PREP: variants seen among roughly 807,000 people sequenced by gnomAD.
PREP encodes dJ355L5.1 (prolyl endopeptidase).
In PREP, 29 loss-of-function variants were observed where a neutral mutation model predicts 87.6. The observed-to-expected ratio is 0.33, with a 90% CI of 0.25 to 0.45. The LOEUF (loss-of-function observed/expected upper bound fraction) is 0.45. Ranked by LOEUF, PREP falls within the 20% of genes least tolerant of loss-of-function variation. PREP has a pLI of 1.00. For synonymous variants in PREP, 337 were observed against 328.6 expected, an observed-to-expected ratio of 1.03 and a Z score of -0.28; for missense variants, 695 against 886.5, an observed-to-expected ratio of 0.78 and a Z score of 2.74.
At chr6:105,312,900 G>A (rs960892269) in intron 10 of PREP, among the ~76,000 whole-genome samples, 2 of 152,184 alleles carry the variant, frequency 1.3e-5, no homozygotes. Context: ...GCTGTATGAA[G>A]AAGAGCATCA....
At chr6:105,341,379 T>C (rs1011689975) in intron 7 of PREP, among the ~76,000 whole-genome samples, 8 of 152,182 alleles carry the variant, frequency 5.3e-5, no homozygotes, top group African/African-American at 7.2e-5. Flanking sequence ...CTGGGACACA[T>C]TTAAAGCAGT....
At chr6:105,325,285 G>A (rs138526153) in intron 9 of PREP, among the ~76,000 whole-genome samples, 1 of 152,212 alleles carries the variant, frequency 6.6e-6, no homozygotes, top group Non-Finnish European at 1.5e-5. Flanking sequence ...GCCTCACCCT[G>A]GCATCACCAC....
At chr6:105,338,872 G>A (rs115193940) in intron 7 of PREP, among the ~76,000 whole-genome samples, 3,203 of 152,322 alleles carry the variant, frequency 0.021, 107 homozygotes, top group African/African-American at 0.074. Flanking sequence ...GCTTGAGTAC[G>A]TAAACAAAGC....
intron 2 of PREP, among the ~76,000 whole-genome samples, chr6:105,380,661 A>G (rs1482876032): frequency 6.6e-6 from 1 of 152,114 alleles, no homozygotes; most frequent in Non-Finnish European, 1.5e-5. Flanking sequence ...AGTTTTGGCT[A>G]TTTCCCAGAG....
intron 10 of PREP, among the ~76,000 whole-genome samples, chr6:105,301,904 G>A (rs1452305007): frequency 6.6e-6 from 1 of 152,130 alleles, no homozygotes; most frequent in East Asian, 1.9e-4. Flanking sequence ...AGCCAAAAGC[G>A]AAATAGAAAG....
chr6:105,376,096 T>A (rs1479455111), intron 4 of PREP, 29 bp downstream of exon 4: 1 of 1,599,308 alleles, frequency 6.3e-7, no homozygotes, highest in South Asian at 1.1e-5. Context: ...GTCTTAGGAG[T>A]TCCACGGGCC....
chr6:105,386,941 G>A (rs895213400), intron 2 of PREP, among the ~76,000 whole-genome samples: 4 of 152,182 alleles, frequency 2.6e-5, no homozygotes, highest in Admixed American at 6.5e-5. Context: ...GGCCGGGTGC[G>A]GTGTTTCATG....
chr6:105,281,415 G>C (rs915345312), intron 14 of PREP: 1 of 184,058 alleles, frequency 5.4e-6, no homozygotes, highest in Middle Eastern at 2.4e-3. Flanking sequence ...TGTGATTTGG[G>C]ACCCCTCAAG....
At position 105,402,638 on chromosome 6, in the gene PREP, G is replaced by T. The variant is rs530622660; in HGVS notation, c.45+209C>A. On this transcript the variant is annotated intron_variant, in intron 1 of 14. Transcript: ENST00000652536. ...GGCGGCGCTGCCCACAGGCTCCGCC[G>T]CCAGCACTAGCAGAGTGACCGCCCG... 3.9e-4 allele frequency among the ~76,000 whole-genome samples: 59 copies of T among 152,240 alleles called. No homozygotes were observed. The South Asian group carries it at 6.8e-3, about 18-fold the overall frequency.
intron 6 of PREP, among the ~76,000 whole-genome samples, chr6:105,360,201 C>T (rs989738725): frequency 5.9e-5 from 9 of 152,224 alleles, no homozygotes; most frequent in Non-Finnish European, 1.3e-4. Flanking sequence ...TAAGTACACA[C>T]TTAAGAATGT....
chr6:105,384,633 A>C (rs533669010), intron 2 of PREP, among the ~76,000 whole-genome samples: 1 of 152,278 alleles, frequency 6.6e-6, no homozygotes, highest in South Asian at 2.1e-4. Context: ...ATTCTAACCC[A>C]CAGGCAATAG....
chr6:105,363,817 T>C (rs1004641269), intron 6 of PREP, among the ~76,000 whole-genome samples: 1 of 152,140 alleles, frequency 6.6e-6, no homozygotes, highest in Non-Finnish European at 1.5e-5. Flanking sequence ...CTCGAGGGAA[T>C]GCTTCTGGGA....
intron 8 of PREP, among the ~76,000 whole-genome samples, 190 bp downstream of exon 8, chr6:105,333,124 T>C (rs1029305445): frequency 3.9e-5 from 6 of 152,220 alleles, no homozygotes; most frequent in African/African-American, 9.6e-5. Flanking sequence ...TTCTACATGA[T>C]ATAGTACTAA....
chr6:105,394,155 TA>T (rs1474041673), intron 2 of PREP, among the ~76,000 whole-genome samples: 2 of 152,172 alleles, frequency 1.3e-5, no homozygotes, highest in Non-Finnish European at 2.9e-5. Context: ...ATTTTAATAT[TA>T]ATATATTAGT....
rs141833268 is a variant in PREP at position 105,303,112 on chromosome 6, CATGTATGTATGTATGTATGTATGT to C, written c.1318-14242_1318-14219del. ...TCTCCATTCTCTACAAAATGAAGTC[CATGTATGTATGTATGTATGTATGT>C]ATGTATGTATGTATGTATGTAAAGC... On this transcript the variant is annotated intron_variant, in intron 10 of 14. Coordinates refer to ENST00000652536, the MANE Select transcript of PREP (RefSeq NM_002726.5). 1.1e-4 allele frequency among the ~76,000 whole-genome samples: 17 copies of C among 150,778 alleles called. No homozygotes were observed. The South Asian group carries it at 1.7e-3, about 15-fold the overall frequency.
At chr6:105,336,437 TA>T (rs1169172927) in intron 7 of PREP, among the ~76,000 whole-genome samples, 3 of 152,232 alleles carry the variant, frequency 2.0e-5, no homozygotes, top group African/African-American at 4.8e-5. Context: ...AAAGGTCTAT[TA>T]AAAAATGTTT....
chr6:105,387,556 T>C (rs1773030399), intron 2 of PREP, among the ~76,000 whole-genome samples: 1 of 146,474 alleles, frequency 6.8e-6, no homozygotes, highest in African/African-American at 2.6e-5. Flanking sequence ...GGAAGAAGAA[T>C]TGTCACAGGC....
chr6:105,331,124 G>A (rs961526051), intron 8 of PREP, among the ~76,000 whole-genome samples: 14 of 152,278 alleles, frequency 9.2e-5, no homozygotes, highest in African/African-American at 2.4e-4. Context: ...TGACTTTACC[G>A]CTGTACTTTA....
At chr6:105,389,834 A>G (rs777699704) in intron 2 of PREP, among the ~76,000 whole-genome samples, 2 of 152,192 alleles carry the variant, frequency 1.3e-5, no homozygotes, top group Non-Finnish European at 2.9e-5. Context: ...GACACCAGAA[A>G]GAACAGAAAC....
Sources: allele counts gnomAD v4.1 joint callset (sites outside exome capture counted in the v4.1 genomes callset), GRCh38; gene constraint gnomAD v4.1.1; transcripts MANE v1.5; gene names NCBI Gene and HGNC (gene_info 2026-07-23, HGNC 2026-07-21).